The following NPC2 variants were observed in gnomAD, a reference collection of about 807,000 sequenced individuals.
NPC2 encodes the protein NPC intracellular cholesterol transporter 2.
NPC2 carries 14 observed loss-of-function variants against 17.0 expected under a neutral mutation model. The observed-to-expected ratio is 0.82, with a 90% CI of 0.54 to 1.29. NPC2 has a LOEUF of 1.29. Ranked by LOEUF, NPC2 falls within the 50% of genes most tolerant of loss-of-function variation. The probability of loss-of-function intolerance (pLI) is 0.00; values close to 1 mark genes in which losing one functional copy is unlikely to be tolerated. For synonymous variants in NPC2, 75 were observed against 69.3 expected (o/e 1.08, Z -0.41); for missense variants, 167 against 183.4 (o/e 0.91, Z 0.52).
intron 3 of NPC2, among the ~76,000 whole-genome samples, chr14:74,481,816 A>G (rs2086658967): frequency 1.3e-5 from 2 of 152,162 alleles, no homozygotes; most frequent in African/African-American, 2.4e-5. Flanking sequence ...GTCCCTTCCA[A>G]TTCTTGATAA....
chr14:74,482,150 G>A (rs554570125), intron 3 of NPC2, among the ~76,000 whole-genome samples: 2 of 152,324 alleles, frequency 1.3e-5, no homozygotes, highest in South Asian at 2.1e-4. Context: ...ACATGCCCAT[G>A]GTTATGTGGA....
At chr14:74,485,960 G>T (rs977987168) in intron 2 of NPC2, among the ~76,000 whole-genome samples, 2 of 152,172 alleles carry the variant, frequency 1.3e-5, no homozygotes, top group Non-Finnish European at 2.9e-5. Flanking sequence ...ACAACATTTT[G>T]GAGGAGTTCC....
intron 1 of NPC2, among the ~76,000 whole-genome samples, chr14:74,490,489 C>T (rs2086759588): frequency 6.6e-6 from 1 of 152,198 alleles, no homozygotes; most frequent in African/African-American, 2.4e-5. Flanking sequence ...CTTCAATCAA[C>T]AATCTATTGA....
At chr14:74,487,240 C>T (rs115729586) in intron 1 of NPC2, among the ~76,000 whole-genome samples, 98 of 151,122 alleles carry the variant, frequency 6.5e-4, no homozygotes, top group African/African-American at 2.3e-3. Flanking sequence ...TGAGTCATTG[C>T]ACCCTCCCTG....
At chr14:74,482,765 G>T (rs931064808) in intron 3 of NPC2, among the ~76,000 whole-genome samples, 2 of 152,120 alleles carry the variant, frequency 1.3e-5, no homozygotes, top group African/African-American at 2.4e-5. Context: ...AATTTCTTCA[G>T]CTGTAAAATA....
chr14:74,481,593 T>C (rs1385300020), intron 3 of NPC2, among the ~76,000 whole-genome samples: 1 of 152,232 alleles, frequency 6.6e-6, no homozygotes, highest in Admixed American at 6.5e-5. Flanking sequence ...AAAATTTAGA[T>C]TCTTAGGTAT....
chr14:74,487,274 G>GTTTTT (rs59427038), intron 1 of NPC2, among the ~76,000 whole-genome samples: 11 of 132,086 alleles, frequency 8.3e-5, no homozygotes, highest in South Asian at 2.4e-4. Context: ...GTTTTTTTTT[G>GTTTTT]TTTTTTTTTT....
chr14:74,488,595 T>A (rs2139672305), intron 1 of NPC2, among the ~76,000 whole-genome samples: 1 of 152,194 alleles, frequency 6.6e-6, no homozygotes, highest in African/African-American at 2.4e-5. Flanking sequence ...TCACCTGTAA[T>A]CCCAGCTACT....
upstream of NPC2, chr14:74,493,425 T>C (rs2086801160): frequency 1.3e-6 from 2 of 1,516,500 alleles, no homozygotes; most frequent in South Asian, 1.2e-5. The surrounding 1 kb of genome is among the most constrained non-coding windows in gnomAD (Gnocchi z 4.1). Flanking sequence ...CGCCCCCGGC[T>C]CCGGAAAGCC....
At chr14:74,480,666 C>T (rs753484932) in intron 4 of NPC2, 36 bp downstream of exon 4, 16 of 1,526,484 alleles carry the variant, frequency 1.0e-5, no homozygotes, top group Non-Finnish European at 1.5e-5. Flanking sequence ...ACTTTCTTCC[C>T]TCCACCCATG....
chr14:74,480,576 G>C (rs2086645527), intron 4 of NPC2, 126 bp downstream of exon 4: 1 of 859,224 alleles, frequency 1.2e-6, no homozygotes, highest in Non-Finnish European at 2.0e-6. Context: ...TGCTTTTAGA[G>C]GTTGAGAGGC....
chr14:74,493,083 G>C lies in NPC2; in HGVS notation c.82+110C>G. On this transcript the variant is annotated intron_variant, in intron 1 of 4. Transcript: ENST00000555619. This position sits in a 1 kb window ranked among gnomAD's most constrained non-coding sequence, Gnocchi z 4.1. Reference sequence around the variant, plus strand: ...CCAGTTAGGTAGGGTCCAAGGCTCAGCCTGGCCGCCCGAGGGATCCGCCCA... The same window carrying C: ...CCAGTTAGGTAGGGTCCAAGGCTCACCCTGGCCGCCCGAGGGATCCGCCCA... The C allele has an allele frequency of 2.1e-6, 3 of 1,408,500 alleles. No individual in the cohort carries two copies. The highest frequency in any genetic ancestry group is 2.9e-6 in the Non-Finnish European group (3 of 1,032,082). 87.3% of individuals were successfully genotyped at this position (1,408,500 alleles called of 1,614,324 possible).
chr14:74,493,076 A>C lies in NPC2; in HGVS notation c.82+117T>G. On this transcript the variant is annotated intron_variant, in intron 1 of 4. Coordinates refer to ENST00000555619, the MANE Select transcript of NPC2 (RefSeq NM_006432.5). The surrounding 1 kb of genome is among the most constrained non-coding windows in gnomAD (Gnocchi z 4.1). ...GCCCATTCCAGTTAGGTAGGGTCCA[A>C]GGCTCAGCCTGGCCGCCCGAGGGAT... is the stretch of plus-strand genomic sequence containing the variant. The C allele has an allele frequency of 2.2e-6, 3 of 1,341,408 alleles. No individual in the cohort carries two copies. Among genetic ancestry groups the C allele is most frequent in the African/African-American group, 1.4e-5 (1 of 68,986 alleles). 83.1% of individuals were successfully genotyped at this position (1,341,408 alleles called of 1,614,324 possible). A position where few individuals can be genotyped will look rare whatever the true frequency, so the allele number is the denominator to read the frequency against.
intron 3 of NPC2, among the ~76,000 whole-genome samples, chr14:74,481,207 G>A (rs1204229050): frequency 6.6e-6 from 1 of 152,226 alleles, no homozygotes; most frequent in Non-Finnish European, 1.5e-5. Flanking sequence ...CGTCCCCTTG[G>A]TGATGAGTGA....
intron 1 of NPC2, 101 bp from the exon 2 acceptor site, chr14:74,486,537 G>T: frequency 1.1e-6 from 1 of 876,362 alleles, no homozygotes. Flanking sequence ...TCCCATTTAG[G>T]GTCAACTCAT....
At chr14:74,492,981 G>T (rs2086791468) in intron 1 of NPC2, among the ~76,000 whole-genome samples, 1 of 152,188 alleles carries the variant, frequency 6.6e-6, no homozygotes, top group African/African-American at 2.4e-5. Flanking sequence ...CAAAACACGC[G>T]TTCTAAGGAA....
chr14:74,484,648 A>G (rs1175850260), intron 2 of NPC2, 61 bp from the exon 3 acceptor site: 38 of 1,578,952 alleles, frequency 2.4e-5, no homozygotes, highest in Non-Finnish European at 3.3e-5. Context: ...ACTCTAAATC[A>G]AAAATTCAGA....
rs763613633 is a variant in NPC2 at position 74,484,460 on chromosome 14, G to C, written c.318C>G (p.Thr106=). The change falls in exon 3 of 5, where the codon ACC becomes ACG. Residue 106 remains threonine (T), a synonymous_variant. Transcript: ENST00000555619. ...GINCPIQKDK[T]YSYLNKLPVK... is the part of the protein sequence containing the mutation. ...CTGGTAGTTTATTCAGGTAGCTATA[G>C]GTCTTGTCTTTTTGGATAGGGCAGT... is the stretch of plus-strand genomic sequence containing the variant. 3.1e-6 allele frequency: 5 copies of C among 1,613,960 alleles called. 1 individual carries two copies. The highest frequency in any genetic ancestry group is 1.6e-4 in the Middle Eastern group (1 of 6,084).
intron 2 of NPC2, 106 bp downstream of exon 2, chr14:74,486,223 T>C: frequency 9.5e-7 from 1 of 1,054,584 alleles, no homozygotes; most frequent in Non-Finnish European, 1.4e-6. Context: ...AATCATAAAA[T>C]TCATGACTGC....
Sources: gnomAD v4.1 joint callset for allele counts (sites outside exome capture counted in the v4.1 genomes callset) on GRCh38, gnomAD v4.1.1 for gene constraint, Gnocchi (gnomAD v3.1) non-coding constraint, MANE v1.5 for transcripts, NCBI Gene and HGNC (gene_info 2026-07-23, HGNC 2026-07-21) for gene names.